The following TRAF4 variants were observed in gnomAD, a reference collection of about 807,000 sequenced individuals.
The protein encoded by TRAF4 is TNF receptor-associated factor 4.
TRAF4 carries 9 observed loss-of-function variants against 47.3 expected under a neutral mutation model. That is an observed-to-expected ratio of 0.19 (90% CI 0.11 to 0.33). TRAF4 has a LOEUF of 0.33. TRAF4 is among the 10% of genes least tolerant of loss of function. The pLI, the probability that TRAF4 is intolerant of heterozygous loss-of-function variation, is 1.00. For synonymous variants in TRAF4, 236 were observed against 236.9 expected (o/e 1.00, Z 0.04); for missense variants, 448 against 620.3 (o/e 0.72, Z 2.95).
At position 28,748,630 on chromosome 17, in the gene TRAF4, G is replaced by T. The variant is rs144767741; in HGVS notation, c.744G>T (p.Val248=). 2.3e-5 allele frequency: 37 copies of T among 1,612,546 alleles called. No individual in the cohort carries two copies. The African/African-American group carries it at 4.7e-4, about 20-fold the overall frequency. ...HLKDSCNTAL[V]LCPFKDSGCK... is the part of the protein sequence containing the mutation. Reference sequence around the variant, plus strand: ...AGGACAGCTGTAACACCGCCCTGGTGCTCTGCCCATTCAAAGACTCCGGCT... The same window carrying T: ...AGGACAGCTGTAACACCGCCCTGGTTCTCTGCCCATTCAAAGACTCCGGCT... Residue 248 remains valine, a synonymous_variant, in exon 6 of 7, where the codon GTG becomes GTT. Coordinates refer to ENST00000262395, the MANE Select transcript of TRAF4 (RefSeq NM_004295.4).
chr17:28,747,769 G>A (rs2034537908), intron 2 of TRAF4, 74 bp from the exon 3 acceptor site: 2 of 1,463,682 alleles, frequency 1.4e-6, no homozygotes, highest in Non-Finnish European at 1.9e-6. Flanking sequence ...AGCCAGCCCA[G>A]TTGGGTCTAG....
At chr17:28,747,391 G>C (rs1021282789) in intron 2 of TRAF4, 127 bp downstream of exon 2, 1 of 1,188,742 alleles carries the variant, frequency 8.4e-7, no homozygotes, top group Non-Finnish European at 1.2e-6. Context: ...CCTCCACAAA[G>C]GTAGCCTGTT....
Position 28,749,441 on chromosome 17 carries a change from C to T in TRAF4, c.1277C>T (p.Ser426Phe), listed in dbSNP as rs1385426971. 6.2e-7 allele frequency: 1 copy of T among 1,613,872 alleles called. No homozygotes were observed. The highest frequency in any genetic ancestry group is 2.2e-5 in the East Asian group (1 of 44,900). Residue 426 changes from serine (S) to phenylalanine (F), a missense_variant, in exon 7 of 7, where the codon TCC becomes TTC. Ser to Phe is a radical substitution (Grantham distance 155). Transcript: ENST00000262395. ...CAGAAGCCAGGCACGTGGCGGGGCT[C>T]CCTGGATGAGAGTTCTCTGGGCTTT... ...NFQKPGTWRG[S>F]LDESSLGFGY... is the part of the protein sequence containing the mutation.
intron 2 of TRAF4, 48 bp downstream of exon 2, chr17:28,747,312 T>C: frequency 6.3e-7 from 1 of 1,594,760 alleles, no homozygotes; most frequent in Admixed American, 1.8e-5. Flanking sequence ...CTGTTGCCCT[T>C]GGAGGCCGGA....
At chr17:28,744,397 G>A (rs2034475507) in intron 1 of TRAF4, 142 bp downstream of exon 1, 1 of 998,112 alleles carries the variant, frequency 1.0e-6, no homozygotes, top group Non-Finnish European at 1.4e-6. Context: ...ACGTCACGGG[G>A]AGGGATGACG....
chr17:28,747,015 C>T, intron 1 of TRAF4, 198 bp from the exon 2 acceptor site: 1 of 496,338 alleles, frequency 2.0e-6, no homozygotes, highest in East Asian at 3.3e-5. Flanking sequence ...CCAGACCCCC[C>T]TTCCCAGGAC....
rs1567764499 is a variant in TRAF4, at chr17:28,744,282, G to A, written c.143+27G>A. 4 of 1,541,336 alleles carry A rather than the reference G, an allele frequency of 2.6e-6. No individual in the cohort carries two copies. In the South Asian group the frequency reaches 4.7e-5, roughly 18 times the overall value. ...TGCTGGCCGGGGAGCAGGGGACAGC[G>A]GGGGCGGGGCGGGGCGGGGGGCGCC... is the stretch of plus-strand genomic sequence containing the variant. On this transcript the variant is annotated intron_variant, in intron 1 of 6. Transcript: ENST00000262395.
At position 28,745,050 on chromosome 17, in the gene TRAF4, TG is replaced by T. The variant is rs566963189; in HGVS notation, c.143+796del. On this transcript the variant is annotated intron_variant, in intron 1 of 6. Transcript: ENST00000262395. ...ACGCAGGGAACCCCTCAGGCCCGGG[TG>T]TGGGAAGCAGGGTGAAGGAGCCCCG... The T allele has an allele frequency of 5.1e-3, 772 of 152,338 alleles. 6 individuals are homozygous for T. The highest frequency in any genetic ancestry group is 7.5e-3 in the Non-Finnish European group (513 of 68,114). The allele number at this position is 152,338 out of a possible 1,614,324, so 9.4% of individuals were successfully genotyped here. A position where few individuals can be genotyped will look rare whatever the true frequency, so the allele number is the denominator to read the frequency against.
rs8198 is a variant in TRAF4, at chr17:28,749,763, G to A, written c.*186G>A. Reference sequence around the variant, plus strand: ...TGGTGCTTCAGCCCTGGCCCCTGTGGGGAACAGGTCTTGGGGTCATGAAGG... The same window carrying A: ...TGGTGCTTCAGCCCTGGCCCCTGTGAGGAACAGGTCTTGGGGTCATGAAGG... On this transcript the variant is annotated 3_prime_UTR_variant, in exon 7 of 7. Coordinates refer to ENST00000262395, the MANE Select transcript of TRAF4 (RefSeq NM_004295.4). 2,087 of 997,628 alleles carry A rather than the reference G, an allele frequency of 2.1e-3. 8 individuals carry two copies. Among genetic ancestry groups the A allele is most frequent in the Non-Finnish European group, 3.0e-3 (1,939 of 655,274 alleles). 61.8% of individuals were successfully genotyped at this position (997,628 alleles called of 1,614,324 possible).
intron 6 of TRAF4, 95 bp from the exon 7 acceptor site, chr17:28,748,850 G>T: frequency 6.7e-7 from 1 of 1,489,290 alleles, no homozygotes. Context: ...AGAGCTGGGT[G>T]CCTGCTACCC....
chr17:28,746,828 C>T (rs1855471106), intron 1 of TRAF4: 1 of 178,802 alleles, frequency 5.6e-6, no homozygotes, highest in African/African-American at 2.4e-5. Flanking sequence ...CTCAGCCCAT[C>T]CCTGTTCCCC....
intron 1 of TRAF4, chr17:28,745,148 C>G (rs946250145): frequency 2.0e-5 from 3 of 152,432 alleles, no homozygotes; most frequent in African/African-American, 7.2e-5. Flanking sequence ...TTTGCTGGGA[C>G]GAGGGGATCG....
intron 1 of TRAF4, among the ~76,000 whole-genome samples, chr17:28,745,816 C>T (rs993925863): frequency 1.1e-4 from 16 of 152,106 alleles, no homozygotes; most frequent in African/African-American, 2.7e-4. Context: ...GGCTGGGCCC[C>T]AAGCTGCAGG....
rs779307770 is a variant in TRAF4 at position 28,748,954 on chromosome 17, C to T, written c.790C>T (p.Leu264=). Residue 264 remains leucine (L), a synonymous_variant, in exon 7 of 7, where the codon CTG becomes TTG. Transcript: ENST00000262395. ...GGGGCTTTGCCAACAGTGCCCTAAG[C>T]TGGCAATGGCACGGCATGTGGAGGA... ...DSGCKHRCPK[L]AMARHVEESV... 4 of 1,610,112 alleles carry T rather than the reference C, an allele frequency of 2.5e-6. No homozygotes were observed. In the South Asian group the frequency reaches 4.4e-5, roughly 18 times the overall value.
chr17:28,745,027 G>T (rs2034487530), intron 1 of TRAF4: 2 of 152,316 alleles, frequency 1.3e-5, no homozygotes, highest in African/African-American at 4.8e-5. Context: ...TCCTGCTCAC[G>T]CAGGGAACCC....
Position 28,750,062 on chromosome 17 carries a change from C to T in TRAF4, c.*485C>T. The T allele has an allele frequency of 1.7e-6, 1 of 586,282 alleles. No homozygotes were observed. Among genetic ancestry groups the T allele is most frequent in the Non-Finnish European group, 3.0e-6 (1 of 328,640 alleles). The allele number at this position is 586,282 out of a possible 1,614,324, so 36.3% of individuals were successfully genotyped here. On this transcript the variant is annotated 3_prime_UTR_variant, in exon 7 of 7. Coordinates refer to ENST00000262395, the MANE Select transcript of TRAF4 (RefSeq NM_004295.4). ...AGGGGAGCCCTGATTTTTAATAAAT[C>T]CGGAATTGTATTTATTAATTTGCTT...
Position 28,747,586 on chromosome 17 carries a change from C to T in TRAF4, c.196-257C>T, listed in dbSNP as rs2034534721. ...CTCCACCAGGGGAAAGGAAGCAGAG[C>T]CCCAGGGACAGCCTGGGATTGAGCA... On this transcript the variant is annotated intron_variant, in intron 2 of 6. Transcript: ENST00000262395. 1.2e-5 allele frequency: 7 copies of T among 585,724 alleles called. No individual in the cohort carries two copies. The Admixed American group carries it at 1.8e-4, about 15-fold the overall frequency. 36.3% of individuals were successfully genotyped at this position (585,724 alleles called of 1,614,324 possible). A position where few individuals can be genotyped will look rare whatever the true frequency, so the allele number is the denominator to read the frequency against.
At chr17:28,745,116 C>T (rs2034490052) in intron 1 of TRAF4, among the ~76,000 whole-genome samples, 1 of 152,202 alleles carries the variant, frequency 6.6e-6, no homozygotes, top group Non-Finnish European at 1.5e-5. Flanking sequence ...AGGGGAAGGC[C>T]GAGTCGGCCA....
Position 28,747,838 on chromosome 17 carries a change from C to G in TRAF4, c.196-5C>G, listed in dbSNP as rs1255532061. 6.2e-7 allele frequency: 1 copy of G among 1,612,610 alleles called. No homozygotes were observed. The highest frequency in any genetic ancestry group is 1.3e-5 in the African/African-American group (1 of 74,868). On this transcript the variant is annotated splice_polypyrimidine_tract_variant and splice_region_variant and intron_variant, in intron 2 of 6. Transcript: ENST00000262395. ...CCTGGCCAGTTCCCCCATCCCTACCCCCAGATCTACCCAGACCCGGAGCTG... is the reference window on the plus strand; with the variant it reads ...CCTGGCCAGTTCCCCCATCCCTACCGCCAGATCTACCCAGACCCGGAGCTG...
Sources: gnomAD v4.1 joint callset for allele counts (sites outside exome capture counted in the v4.1 genomes callset) on GRCh38, gnomAD v4.1.1 for gene constraint, MANE v1.5 for transcripts, NCBI Gene and HGNC (gene_info 2026-07-23, HGNC 2026-07-21) for gene names.